Variants in PTPN14 observed in about 807,000 individuals in gnomAD.
PTPN14 encodes protein tyrosine phosphatase non-receptor type 14, also known as tyrosine-protein phosphatase non-receptor type 14.
A neutral mutation model predicts 126.8 loss-of-function variants in PTPN14; 53 were observed. That is an observed-to-expected ratio of 0.42 (90% CI 0.34 to 0.53). The LOEUF (loss-of-function observed/expected upper bound fraction) is 0.53, where lower values mean the gene tolerates loss of function less well. Among genes scored for constraint, PTPN14 ranks in the 20% least tolerant of loss-of-function variants. The probability of loss-of-function intolerance (pLI) is 0.08; values close to 1 mark genes in which losing one functional copy is unlikely to be tolerated. For missense variants in PTPN14, 1,257 were observed against 1,552.9 expected, an observed-to-expected ratio of 0.81 and a Z score of 3.20; for synonymous variants, 630 against 599.3, an observed-to-expected ratio of 1.05 and a Z score of -0.75.
At chr1:214,493,107 C>T (rs4421564) in intron 1 of PTPN14, among the ~76,000 whole-genome samples, 139,028 of 152,122 alleles carry the variant, frequency 0.91, 63,644 homozygotes, top group African/African-American at 0.97. Context: ...AAGACATGTT[C>T]GGAGGTCAGA....
chr1:214,482,579 G>GAAA (rs56404750), intron 1 of PTPN14, among the ~76,000 whole-genome samples: 30,397 of 149,514 alleles, frequency 0.2, 3,905 homozygotes, highest in African/African-American at 0.36. Context: ...GTTTAGAAAA[G>GAAA]AAAAAAAAAA....
chr1:214,492,737 G>A (rs770127593), intron 1 of PTPN14, among the ~76,000 whole-genome samples: 9 of 151,886 alleles, frequency 5.9e-5, no homozygotes, highest in East Asian at 3.9e-4. Flanking sequence ...GCAAAACCCC[G>A]TCTCGATTAA....
chr1:214,544,329 G>C (rs964200231), intron 1 of PTPN14, among the ~76,000 whole-genome samples: 2 of 152,170 alleles, frequency 1.3e-5, no homozygotes, highest in Non-Finnish European at 2.9e-5. Flanking sequence ...TACTTGAGAG[G>C]CTGAGGTAGG....
chr1:214,384,361 G>A lies in PTPN14; in HGVS notation c.1494C>T (p.Val498=). ...TGTAGACCCCCTGTGGCCCATAAGG[G>A]ACAGTGTAGGGGTGCCTCTCCCGCA... is the stretch of plus-strand genomic sequence containing the variant. ...PEMRERHPYT[V]PYGPQGVYSN... Residue 498 remains valine (V), a synonymous_variant, in exon 13 of 19, where the codon GTC becomes GTT. Coordinates refer to ENST00000366956, the MANE Select transcript of PTPN14 (RefSeq NM_005401.5). This position sits in a 1 kb window ranked among gnomAD's most constrained non-coding sequence, Gnocchi z 5.3. The A allele has an allele frequency of 6.2e-7, 1 of 1,614,146 alleles. No homozygotes were observed. Among genetic ancestry groups the A allele is most frequent in the Non-Finnish European group, 8.5e-7 (1 of 1,180,026 alleles).
chr1:214,375,413 C>T (rs1658322687), intron 15 of PTPN14, among the ~76,000 whole-genome samples: 1 of 152,216 alleles, frequency 6.6e-6, no homozygotes. Flanking sequence ...ACACCTATAA[C>T]ACTGGCTTTA....
At chr1:214,381,877 A>G (rs1658480338) in intron 13 of PTPN14, among the ~76,000 whole-genome samples, 1 of 152,194 alleles carries the variant, frequency 6.6e-6, no homozygotes, top group African/African-American at 2.4e-5. Flanking sequence ...TAAAGGAGTG[A>G]AAATGTTCAT....
intron 3 of PTPN14, among the ~76,000 whole-genome samples, chr1:214,424,006 T>A (rs1293178260): frequency 6.7e-6 from 1 of 149,168 alleles, no homozygotes; most frequent in African/African-American, 2.5e-5. Context: ...CAACAAAAAA[T>A]CAGAGTACTG....
At chr1:214,377,399 G>C (rs1002428384) in intron 14 of PTPN14, among the ~76,000 whole-genome samples, 3 of 152,138 alleles carry the variant, frequency 2.0e-5, no homozygotes, top group African/African-American at 7.2e-5. Context: ...AGGAGGGAGA[G>C]GAGCAGAGAG....
At chr1:214,391,371 G>A (rs1658747492) in intron 10 of PTPN14, among the ~76,000 whole-genome samples, 1 of 151,566 alleles carries the variant, frequency 6.6e-6, no homozygotes, top group African/African-American at 2.4e-5. Flanking sequence ...TTAAAAAATT[G>A]TACTCTTTCT....
At chr1:214,523,441 A>G (rs550394507) in intron 1 of PTPN14, among the ~76,000 whole-genome samples, 2 of 152,236 alleles carry the variant, frequency 1.3e-5, no homozygotes, top group Non-Finnish European at 2.9e-5. Flanking sequence ...TTATGTTACA[A>G]CTGTCTACAG....
intron 2 of PTPN14, among the ~76,000 whole-genome samples, chr1:214,460,832 C>T (rs902445361): frequency 6.6e-6 from 1 of 152,186 alleles, no homozygotes; most frequent in African/African-American, 2.4e-5. Context: ...TGACTGTTTG[C>T]TGACAATAGG....
rs757127651 is a variant in PTPN14 at position 214,378,037 on chromosome 1, C to A, written c.2610G>T (p.Leu870Phe). 1 of 1,613,050 alleles carries A rather than the reference C, an allele frequency of 6.2e-7. No individual in the cohort carries two copies. Among genetic ancestry groups the A allele is most frequent in the East Asian group, 2.2e-5 (1 of 44,880 alleles). Residue 870 changes from leucine (L) to phenylalanine (F), a missense_variant, in exon 14 of 19, where the codon TTG becomes TTT. This residue lies in a region of PTPN14 where 1,021 missense variants were observed against 1,183.3 expected (regional missense o/e 0.86). Coordinates refer to ENST00000366956, the MANE Select transcript of PTPN14 (RefSeq NM_005401.5). ...AQKRPLMLAA[L>F]NGLSVARVSG... ...AGACTCGAGCCACCGAGAGCCCATT[C>A]AATGCTGCCAACATCAGCGGCCTCT...
At chr1:214,391,704 T>TAA (rs11368443) in intron 10 of PTPN14, among the ~76,000 whole-genome samples, 57,109 of 139,066 alleles carry the variant, frequency 0.41, 11,797 homozygotes, top group South Asian at 0.52. Context: ...AGTGTTACCA[T>TAA]AAAAAAAAAA....
intron 3 of PTPN14, among the ~76,000 whole-genome samples, chr1:214,450,269 C>T (rs138938581): frequency 0.011 from 1,594 of 151,786 alleles, 31 homozygotes; most frequent in African/African-American, 0.036. Flanking sequence ...GTCAGGAGTT[C>T]GAGACCAGCC....
At chr1:214,512,810 C>T (rs1175048434) in intron 1 of PTPN14, among the ~76,000 whole-genome samples, 1 of 152,154 alleles carries the variant, frequency 6.6e-6, no homozygotes, top group African/African-American at 2.4e-5. Context: ...CCCACCTCAA[C>T]CTCTCAAGTA....
chr1:214,477,362 C>CA (rs1475201651), intron 1 of PTPN14, among the ~76,000 whole-genome samples: 1 of 152,154 alleles, frequency 6.6e-6, no homozygotes. Flanking sequence ...GCCACACATG[C>CA]ACGTACATGC....
At chr1:214,511,264 C>A (rs17023126) in intron 1 of PTPN14, among the ~76,000 whole-genome samples, 1 of 152,106 alleles carries the variant, frequency 6.6e-6, no homozygotes, top group African/African-American at 2.4e-5. Context: ...CTTGAGAAGA[C>A]TTTCCCGTAC....
At chr1:214,516,129 C>G (rs1655097718) in intron 1 of PTPN14, among the ~76,000 whole-genome samples, 1 of 152,192 alleles carries the variant, frequency 6.6e-6, no homozygotes, top group Admixed American at 6.5e-5. Context: ...GCCAGGTTCT[C>G]AAGAAAATTT....
chr1:214,460,197 C>CATAT (rs1426814247), intron 2 of PTPN14, among the ~76,000 whole-genome samples: 1 of 152,126 alleles, frequency 6.6e-6, no homozygotes, highest in African/African-American at 2.4e-5. Flanking sequence ...ATGAGAACTA[C>CATAT]ATGAGCTGAT....
Sources: allele counts gnomAD v4.1 joint callset (sites outside exome capture counted in the v4.1 genomes callset), GRCh38; gene constraint gnomAD v4.1.1; regional missense constraint gnomAD v4.1.1; non-coding constraint Gnocchi (gnomAD v3.1); transcripts MANE v1.5; gene names NCBI Gene and HGNC (gene_info 2026-07-23, HGNC 2026-07-21).